The following CNOT2 variants were observed in gnomAD, a reference collection of about 807,000 sequenced individuals.
The protein encoded by CNOT2 is CCR4-NOT transcription complex subunit 2.
CNOT2 carries 7 observed loss-of-function variants against 72.1 expected under a neutral mutation model. The observed-to-expected ratio is 0.10, with a 90% confidence interval of 0.06 to 0.18. The LOEUF (loss-of-function observed/expected upper bound fraction) is 0.18, where lower values mean the gene tolerates loss of function less well. CNOT2 is among the 10% of genes least tolerant of loss of function. The probability of loss-of-function intolerance (pLI) is 1.00; values close to 1 mark genes in which losing one functional copy is unlikely to be tolerated. For synonymous variants in CNOT2, 196 were observed against 225.6 expected (o/e 0.87, Z 1.17); for missense variants, 345 against 660.3 (o/e 0.52, Z 5.23).
chr12:70,269,143 GA>G (rs1959171889), intron 1 of CNOT2, among the ~76,000 whole-genome samples: 2 of 152,316 alleles, frequency 1.3e-5, no homozygotes, highest in South Asian at 4.1e-4. Flanking sequence ...TTGTGAATCA[GA>G]AATGCTGGAT....
chr12:70,254,163 G>A (rs1419886758), intron 1 of CNOT2, among the ~76,000 whole-genome samples: 2 of 151,506 alleles, frequency 1.3e-5, no homozygotes, highest in Non-Finnish European at 1.5e-5. Flanking sequence ...GCTTGAACCC[G>A]GGAGGTGGAG....
intron 2 of CNOT2, among the ~76,000 whole-genome samples, chr12:70,299,929 G>A (rs1389915389): frequency 6.6e-6 from 1 of 152,222 alleles, no homozygotes; most frequent in Non-Finnish European, 1.5e-5. Flanking sequence ...ACTGTTGTGA[G>A]ATGGTATCTC....
chr12:70,299,814 G>A (rs1873561570), intron 2 of CNOT2, among the ~76,000 whole-genome samples: 1 of 152,144 alleles, frequency 6.6e-6, no homozygotes. Flanking sequence ...CTTCCACAAT[G>A]GTTGAACTAG....
At chr12:70,276,044 A>C (rs1868727848) in intron 1 of CNOT2, among the ~76,000 whole-genome samples, 2 of 152,010 alleles carry the variant, frequency 1.3e-5, no homozygotes, top group Non-Finnish European at 2.9e-5. Context: ...CTATGGATTG[A>C]AACTCCAGGC....
At chr12:70,348,642 T>A (rs1387155207) in intron 15 of CNOT2, among the ~76,000 whole-genome samples, 1 of 152,180 alleles carries the variant, frequency 6.6e-6, no homozygotes, top group East Asian at 1.9e-4. Flanking sequence ...ATAATTTTAG[T>A]TAAATTTTGT....
In CNOT2 at chr12:70,267,436, A is replaced by G. The variant is rs565665979; in HGVS notation, c.-95-10696A>G. Among the ~76,000 whole-genome samples, 13 of 152,304 alleles carry G rather than the reference A, an allele frequency of 8.5e-5. No individual in the cohort carries two copies. The East Asian group carries it at 2.5e-3, about 29-fold the overall frequency. On this transcript the variant is annotated intron_variant, in intron 1 of 15. Transcript: ENST00000229195. Reference sequence around the variant, plus strand: ...TTAATCGCTCCTTTCTTTTGTGAAGACACAAGTCATTGGATTTAGGGCCTT... The same window carrying G: ...TTAATCGCTCCTTTCTTTTGTGAAGGCACAAGTCATTGGATTTAGGGCCTT...
intron 3 of CNOT2, among the ~76,000 whole-genome samples, chr12:70,313,490 T>C (rs552167181): frequency 6.6e-6 from 1 of 152,198 alleles, no homozygotes; most frequent in East Asian, 1.9e-4. Context: ...TCTTCACATA[T>C]AATTTATGTC....
chr12:70,293,377 T>C, intron 2 of CNOT2, among the ~76,000 whole-genome samples: 1 of 152,162 alleles, frequency 6.6e-6, no homozygotes, highest in East Asian at 1.9e-4. Flanking sequence ...CAGGCTGGTC[T>C]CAAACTCCCG....
In CNOT2 at chr12:70,335,442, A is replaced by G; in HGVS notation, c.654A>G (p.Gly218=). 6.3e-7 allele frequency: 1 copy of G among 1,599,226 alleles called. No homozygotes were observed. The highest frequency in any genetic ancestry group is 8.6e-7 in the Non-Finnish European group (1 of 1,166,986). ...GTGTCCTTTCTTATTATTTAGACGGAAGTGAAAATGTGACAGGATTGGACC... is the reference window on the plus strand; with the variant it reads ...GTGTCCTTTCTTATTATTTAGACGGGAGTGAAAATGTGACAGGATTGGACC... ...LSSNIFNGTD[G]SENVTGLDLS... Residue 218 remains glycine (G), a synonymous_variant, in exon 8 of 16, where the codon GGA becomes GGG. Transcript: ENST00000229195.
intron 3 of CNOT2, among the ~76,000 whole-genome samples, chr12:70,317,816 A>G (rs12320979): frequency 0.011 from 1,696 of 151,972 alleles, 31 homozygotes; most frequent in African/African-American, 0.038. Flanking sequence ...TATGAAATGT[A>G]TATTGTAAAA....
intron 1 of CNOT2, among the ~76,000 whole-genome samples, chr12:70,259,625 CCTT>C (rs1206616327): frequency 3.3e-5 from 5 of 151,984 alleles, no homozygotes; most frequent in African/African-American, 1.2e-4. Context: ...TTGTTTTGTG[CCTT>C]CTTTTGCTCA....
In CNOT2 at chr12:70,310,899, C is replaced by T; in HGVS notation, c.53C>T (p.Thr18Ile). 6.2e-7 allele frequency: 1 copy of T among 1,610,948 alleles called. No individual in the cohort carries two copies. Reference sequence around the variant, plus strand: ...AAAAGTAATATTTTTGTTTAGGTGACAAACAGCATGTTTGGTGCTTCAAGA... The same window carrying T: ...AAAAGTAATATTTTTGTTTAGGTGATAAACAGCATGTTTGGTGCTTCAAGA... ...TLSEKRNYQV[T>I]NSMFGASRKK... Residue 18 changes from threonine (T) to isoleucine (I), a missense_variant, in exon 3 of 16, where the codon ACA becomes ATA. By Grantham distance (89) the Thr-to-Ile change is moderately conservative. Coordinates refer to ENST00000229195, the MANE Select transcript of CNOT2 (RefSeq NM_014515.7).
At chr12:70,269,691 A>G (rs1322942150) in intron 1 of CNOT2, among the ~76,000 whole-genome samples, 1 of 152,206 alleles carries the variant, frequency 6.6e-6, no homozygotes, top group African/African-American at 2.4e-5. Flanking sequence ...AGGTGCCTCT[A>G]GCACCACTGT....
At chr12:70,249,486 T>G (rs991733764) in intron 1 of CNOT2, among the ~76,000 whole-genome samples, 2 of 151,958 alleles carry the variant, frequency 1.3e-5, no homozygotes, top group East Asian at 1.9e-4. Context: ...GAAGGCCGTT[T>G]TCATCTTCAG....
chr12:70,271,852 C>T (rs114779987), intron 1 of CNOT2, among the ~76,000 whole-genome samples: 2,605 of 152,224 alleles, frequency 0.017, 46 homozygotes, highest in Admixed American at 0.044. Flanking sequence ...CCTTTAAGGT[C>T]TTGTTCAACT....
chr12:70,261,305 C>CT (rs71437141), intron 1 of CNOT2, among the ~76,000 whole-genome samples: 1,549 of 43,360 alleles, frequency 0.036, 429 homozygotes, highest in East Asian at 0.33. Flanking sequence ...TTCTTTCTTT[C>CT]TTTTTTTTTT....
chr12:70,256,758 C>A (rs769322791), intron 1 of CNOT2, among the ~76,000 whole-genome samples: 4 of 152,078 alleles, frequency 2.6e-5, no homozygotes, highest in Non-Finnish European at 4.4e-5. Flanking sequence ...GCTCTACAGT[C>A]TCTCGTTTTT....
intron 3 of CNOT2, among the ~76,000 whole-genome samples, chr12:70,311,486 A>G (rs962780811): frequency 6.6e-6 from 1 of 151,970 alleles, no homozygotes; most frequent in Non-Finnish European, 1.5e-5. Context: ...CTGTTCAGCC[A>G]TAGGGATACT....
rs1301216552 is a variant in CNOT2 at position 70,353,706 on chromosome 12, A to G, written c.1537-123A>G. 2.1e-6 allele frequency: 3 copies of G among 1,437,924 alleles called. 1 individual carries two copies. The highest frequency in any genetic ancestry group is 2.7e-5 in the South Asian group (2 of 73,628). The allele number at this position is 1,437,924 out of a possible 1,614,324, so 89.1% of individuals were successfully genotyped here. On this transcript the variant is annotated intron_variant, in intron 15 of 15. Transcript: ENST00000229195. The stretch of plus-strand genomic sequence containing the variant: ...TTTATGTAGAGGAAAAACAGTTGGT[A>G]TATCTGTGTTGATGTTGATTCATAT...
Sources: gnomAD v4.1 joint callset for allele counts (sites outside exome capture counted in the v4.1 genomes callset) on GRCh38, gnomAD v4.1.1 for gene constraint, MANE v1.5 for transcripts, NCBI Gene and HGNC (gene_info 2026-07-23, HGNC 2026-07-21) for gene names.